SORCS1: variants seen among roughly 807,000 people sequenced by gnomAD.
The protein encoded by SORCS1 is VPS10 domain-containing receptor SorCS1.
In SORCS1, 60 loss-of-function variants were observed where a neutral mutation model predicts 146.1. The ratio of observed to expected loss-of-function variants is 0.41; its 90% confidence interval spans 0.33 to 0.51. The LOEUF (loss-of-function observed/expected upper bound fraction) is 0.51, where lower values mean the gene tolerates loss of function less well. Among genes scored for constraint, SORCS1 ranks in the 20% least tolerant of loss-of-function variants. SORCS1 has a pLI of 0.21. For missense variants in SORCS1, 1,352 were observed against 1,487.6 expected (o/e 0.91, Z 1.50); for synonymous variants, 637 against 584.0 (o/e 1.09, Z -1.31).
At chr10:106,775,888 G>A (rs1860395064) in intron 4 of SORCS1, among the ~76,000 whole-genome samples, 1 of 152,070 alleles carries the variant, frequency 6.6e-6, no homozygotes, top group East Asian at 1.9e-4. Flanking sequence ...TAGTATATAT[G>A]TCGTATAGAG....
At chr10:107,043,767 G>A (rs560624251) in intron 1 of SORCS1, among the ~76,000 whole-genome samples, 1 of 152,214 alleles carries the variant, frequency 6.6e-6, no homozygotes, top group South Asian at 2.1e-4. Flanking sequence ...ATTCGGCAAT[G>A]GAGTGTTTCA....
At chr10:106,953,142 AGTGTGTGTGTGTGT>A (rs60289278) in intron 2 of SORCS1, among the ~76,000 whole-genome samples, 2 of 148,156 alleles carry the variant, frequency 1.3e-5, no homozygotes, top group African/African-American at 5.0e-5. Context: ...CTGTGGGTAT[AGTGTGTGTGTGTGT>A]GTGTGTGTGT....
At chr10:107,102,807 T>C (rs1965021011) in intron 1 of SORCS1, among the ~76,000 whole-genome samples, 2 of 152,222 alleles carry the variant, frequency 1.3e-5, no homozygotes, top group Non-Finnish European at 2.9e-5. Context: ...TAACATATTA[T>C]AAAATATAAT....
chr10:107,008,101 T>G (rs1198547648), intron 1 of SORCS1, among the ~76,000 whole-genome samples: 5 of 142,910 alleles, frequency 3.5e-5, no homozygotes, highest in African/African-American at 1.2e-4. Flanking sequence ...TAGCATCAAT[T>G]AGATTCAAAA....
chr10:106,628,449 T>G (rs1848235056), intron 19 of SORCS1, among the ~76,000 whole-genome samples: 2 of 152,150 alleles, frequency 1.3e-5, no homozygotes, highest in Non-Finnish European at 2.9e-5. Context: ...AAGGAAACAA[T>G]TTCTTTAGTA....
At position 106,800,513 on chromosome 10, in the gene SORCS1, C is replaced by CTTT. The variant is rs763659103; in HGVS notation, c.727-23824_727-23822dup. On this transcript the variant is annotated intron_variant, in intron 3 of 25. Coordinates refer to ENST00000263054, the MANE Select transcript of SORCS1 (RefSeq NM_052918.5). ...AAAGATACATAGGTTCTAGGTGAAT[C>CTTT]TTTTTTTTTTTTTTTTTTTTTTTTT... Among the ~76,000 whole-genome samples, 121 of 89,070 alleles carry CTTT rather than the reference C, an allele frequency of 1.4e-3. 11 individuals are homozygous for CTTT. Among genetic ancestry groups the CTTT allele is most frequent in the East Asian group, 7.7e-3 (21 of 2,744 alleles). 58.4% of individuals were successfully genotyped at this position (89,070 alleles called of 152,430 possible).
intron 3 of SORCS1, among the ~76,000 whole-genome samples, chr10:106,814,099 C>A (rs1368202104): frequency 6.6e-6 from 1 of 152,188 alleles, no homozygotes; most frequent in Non-Finnish European, 1.5e-5. Context: ...GAGACCTGGA[C>A]TTACAACAAG....
At chr10:106,776,509 T>C (rs934922190) in intron 4 of SORCS1, 25 bp downstream of exon 4, 1 of 1,612,192 alleles carries the variant, frequency 6.2e-7, no homozygotes. Context: ...TGCTTCATTG[T>C]CTCAAACAAG....
chr10:106,713,167 T>G (rs1030809956), intron 6 of SORCS1, among the ~76,000 whole-genome samples: 1 of 150,772 alleles, frequency 6.6e-6, no homozygotes, highest in Non-Finnish European at 1.5e-5. Flanking sequence ...ATATAACGAG[T>G]ATGACAACTA....
intron 1 of SORCS1, among the ~76,000 whole-genome samples, chr10:107,028,714 A>G (rs1314169247): frequency 6.6e-6 from 1 of 152,230 alleles, no homozygotes; most frequent in East Asian, 1.9e-4. Flanking sequence ...AACCATGGAA[A>G]CAGTGTTTTA....
intron 1 of SORCS1, among the ~76,000 whole-genome samples, chr10:106,989,879 G>C (rs1358590582): frequency 6.6e-6 from 1 of 151,378 alleles, no homozygotes; most frequent in Non-Finnish European, 1.5e-5. Context: ...GTACAGACGG[G>C]GTTTAACCAT....
At chr10:107,176,522 A>G in the SORCS1 span, among the ~76,000 whole-genome samples, 1 of 151,814 alleles carries the variant, frequency 6.6e-6, no homozygotes, top group African/African-American at 2.4e-5. Flanking sequence ...GTTTTTGTAG[A>G]GACGGGGCCC....
At chr10:107,051,935 C>T (rs1357628586) in intron 1 of SORCS1, among the ~76,000 whole-genome samples, 1 of 152,142 alleles carries the variant, frequency 6.6e-6, no homozygotes, top group Admixed American at 6.6e-5. Flanking sequence ...TAAATCATCT[C>T]TGTGTCCTAC....
rs1394509048 is a variant in SORCS1, at chr10:107,164,209, G to T, written c.318C>A (p.Gly106=). 6.2e-7 allele frequency: 1 copy of T among 1,609,146 alleles called. No individual in the cohort carries two copies. The change falls in exon 1 of 26, where the codon GGC becomes GGA. Residue 106 remains glycine (G), a synonymous_variant. Transcript: ENST00000263054. The surrounding 1 kb of genome is among the most constrained non-coding windows in gnomAD (Gnocchi z 6.8). Reference sequence around the variant, plus strand: ...GATCCGCTCCGCTCCGTCTCCTCCGGCCGGAGCGTGCAGCAACCGCCATGG... The same window carrying T: ...GATCCGCTCCGCTCCGTCTCCTCCGTCCGGAGCGTGCAGCAACCGCCATGG... ...GASMAVAARS[G]RRRRSGADQE... is the part of the protein sequence containing the mutation.
At position 106,607,225 on chromosome 10, in the gene SORCS1, C is replaced by A; in HGVS notation, c.3106G>T (p.Val1036Phe). The change falls in exon 23 of 26, where the codon GTC (valine) becomes TTC (phenylalanine). Residue 1036 changes from valine (V) to phenylalanine (F), a missense_variant. This residue lies in a region of SORCS1 where 214 missense variants were observed against 204.8 expected (regional missense o/e 1.05). Transcript: ENST00000263054. ...CCAGCTGGATCCTGATAGGGTAGGA[C>A]AAAGAGTTCAGCAGTGGTGGGTAAG... ...PGLPTTAELF[V>F]LPYQDPAGEN... 6.2e-7 allele frequency: 1 copy of A among 1,614,122 alleles called. No homozygotes were observed. Among genetic ancestry groups the A allele is most frequent in the Non-Finnish European group, 8.5e-7 (1 of 1,179,992 alleles).
chr10:106,835,400 GT>G (rs1948737218), intron 2 of SORCS1, among the ~76,000 whole-genome samples: 1 of 152,128 alleles, frequency 6.6e-6, no homozygotes, highest in East Asian at 1.9e-4. Flanking sequence ...TTTCTTGATT[GT>G]TTTTGGTGTT....
chr10:106,802,895 A>G (rs1483241032), intron 3 of SORCS1, among the ~76,000 whole-genome samples: 1 of 152,200 alleles, frequency 6.6e-6, no homozygotes, highest in Non-Finnish European at 1.5e-5. Context: ...TTGGCCTCCC[A>G]AAAGGGATTA....
chr10:106,717,490 T>C (rs1855461573), intron 6 of SORCS1, among the ~76,000 whole-genome samples: 1 of 152,256 alleles, frequency 6.6e-6, no homozygotes, highest in Non-Finnish European at 1.5e-5. Flanking sequence ...CTTGGCATGA[T>C]GAGTGTGATT....
chr10:106,887,239 A>G (rs1241777708), intron 2 of SORCS1, among the ~76,000 whole-genome samples: 1 of 152,250 alleles, frequency 6.6e-6, no homozygotes, highest in Non-Finnish European at 1.5e-5. Context: ...CTGTTGATAC[A>G]TTAAAATGAA....
Sources: allele counts gnomAD v4.1 joint callset (sites outside exome capture counted in the v4.1 genomes callset), GRCh38; gene constraint gnomAD v4.1.1; regional missense constraint gnomAD v4.1.1; non-coding constraint Gnocchi (gnomAD v3.1); transcripts MANE v1.5; gene names NCBI Gene and HGNC (gene_info 2026-07-23, HGNC 2026-07-21).